The following POP1 variants were observed in gnomAD, a reference collection of about 807,000 sequenced individuals.
The protein encoded by POP1 is POP1 ribonuclease P/MRP subunit.
A neutral mutation model predicts 102.2 loss-of-function variants in POP1; 75 were observed. The ratio of observed to expected loss-of-function variants is 0.73; its 90% CI spans 0.61 to 0.89. The LOEUF is 0.89. Among genes scored for constraint, POP1 ranks in the 40% least tolerant of loss-of-function variants. The pLI, the probability that POP1 is intolerant of heterozygous loss-of-function variation, is 0.00. For missense variants in POP1, 1,116 were observed against 1,267.4 expected (o/e 0.88, Z 1.81); for synonymous variants, 436 against 464.1 (o/e 0.94, Z 0.78).
intron 12 of POP1, among the ~76,000 whole-genome samples, chr8:98,147,041 G>A (rs939841794): frequency 6.6e-6 from 1 of 152,196 alleles, no homozygotes. Flanking sequence ...ATGATCTCAT[G>A]GTTGAAATAT....
intron 11 of POP1, among the ~76,000 whole-genome samples, chr8:98,144,913 G>C (rs1164186040): frequency 6.6e-6 from 1 of 151,856 alleles, no homozygotes; most frequent in East Asian, 1.9e-4. Context: ...TTTGAGACAG[G>C]GTCTGGCTCT....
chr8:98,150,189 A>T (rs1199986265), intron 13 of POP1, among the ~76,000 whole-genome samples: 1 of 152,218 alleles, frequency 6.6e-6, no homozygotes, highest in Admixed American at 6.5e-5. Flanking sequence ...TTTGTATCCC[A>T]CAATAAAATA....
rs1337363897 is a variant in POP1 at position 98,140,062 on chromosome 8, A to T, written c.1363-16A>T. ...ATTCATTGTTCGTCCAGTGAATAGT[A>T]GTTGTTATTTTTCAGGTGGGAGAGG... On this transcript the variant is annotated splice_polypyrimidine_tract_variant and intron_variant, in intron 9 of 15. Transcript: ENST00000401707. The T allele has an allele frequency of 4.4e-6, 7 of 1,587,284 alleles. No homozygotes were observed. The highest frequency in any genetic ancestry group is 6.1e-6 in the Non-Finnish European group (7 of 1,155,918).
At chr8:98,127,945 C>T (rs1463803075) in intron 3 of POP1, among the ~76,000 whole-genome samples, 183 bp downstream of exon 3, 2 of 152,076 alleles carry the variant, frequency 1.3e-5, no homozygotes, top group Non-Finnish European at 2.9e-5. Context: ...CTTGATGGCT[C>T]TCCCTTCTTC....
At chr8:98,142,008 A>G (rs1442914930) in intron 11 of POP1, among the ~76,000 whole-genome samples, 4 of 152,070 alleles carry the variant, frequency 2.6e-5, no homozygotes, top group Non-Finnish European at 5.9e-5. Flanking sequence ...GAAGCCTAAG[A>G]CTTTACTCAA....
chr8:98,127,711 T>C lies in POP1; in HGVS notation c.259T>C (p.Trp87Arg). Residue 87 changes from tryptophan (W) to arginine (R), a missense_variant, in exon 3 of 16, where the codon TGG (tryptophan) becomes CGG (arginine). Physicochemically the swap from Trp to Arg is moderately radical, Grantham distance 101. Transcript: ENST00000401707. ...SKGMFRKKGG[W>R]KAGPEGTSQE... ...AGGGATGTTTAGAAAAAAGGGAGGA[T>C]GGAAAGCAGGTCCCGAGGGCACGTC... is the stretch of plus-strand genomic sequence containing the variant. 6.2e-7 allele frequency: 1 copy of C among 1,614,038 alleles called. No homozygotes were observed. Among genetic ancestry groups the C allele is most frequent in the Non-Finnish European group, 8.5e-7 (1 of 1,179,970 alleles).
In POP1 at chr8:98,123,320, A is replaced by G. The variant is rs745874993; in HGVS notation, c.-2-16A>G. 4 of 1,612,030 alleles carry G rather than the reference A, an allele frequency of 2.5e-6. No homozygotes were observed. Among genetic ancestry groups the G allele is most frequent in the African/African-American group, 2.7e-5 (2 of 74,886 alleles). Reference sequence around the variant, plus strand: ...AGTTTCCTTTCCCTGTATTAAATGTATTACTTCCTTTCCAGAAATGTCAAA... The same window carrying G: ...AGTTTCCTTTCCCTGTATTAAATGTGTTACTTCCTTTCCAGAAATGTCAAA... On this transcript the variant is annotated splice_polypyrimidine_tract_variant and intron_variant, in intron 1 of 15. Transcript: ENST00000401707.
Position 98,123,365 on chromosome 8 carries a change from G to T in POP1, c.28G>T (p.Ala10Ser). ...GTCAAATGCAAAAGAAAGAAAACAC[G>T]CCAAGAAAATGAGAAACCAGCCTAC... Reference protein sequence around the residue: MSNAKERKHAKKMRNQPTNV... With the variant: MSNAKERKHSKKMRNQPTNV... The change falls in exon 2 of 16, where the codon GCC (alanine) becomes TCC (serine). Residue 10 changes from alanine (A) to serine (S), a missense_variant. Physicochemically the swap from Ala to Ser is moderately conservative, Grantham distance 99. Transcript: ENST00000401707. The T allele has an allele frequency of 6.2e-7, 1 of 1,613,794 alleles. No individual in the cohort carries two copies. Among genetic ancestry groups the T allele is most frequent in the Non-Finnish European group, 8.5e-7 (1 of 1,179,866 alleles).
rs1809680771 is a variant in POP1, at chr8:98,157,508, TTATATAG to T, written c.2421-104_2421-98del. ...TTTTAAAAAATTGTAGTTTTGATTCTTATATAGTATAAAAGAATCAAATTAATTCTAG... is the reference window on the plus strand; with the variant it reads ...TTTTAAAAAATTGTAGTTTTGATTCTTATAAAAGAATCAAATTAATTCTAG... On this transcript the variant is annotated intron_variant, in intron 15 of 15. Transcript: ENST00000401707. 2.3e-6 allele frequency: 3 copies of T among 1,300,236 alleles called. No homozygotes were observed. In the South Asian group the frequency reaches 3.7e-5, roughly 16 times the overall value. The allele number at this position is 1,300,236 out of a possible 1,614,324, so 80.5% of individuals were successfully genotyped here. A position where few individuals can be genotyped will look rare whatever the true frequency, so the allele number is the denominator to read the frequency against.
chr8:98,152,801 G>A (rs1448220494), intron 14 of POP1, among the ~76,000 whole-genome samples: 2 of 152,164 alleles, frequency 1.3e-5, no homozygotes, highest in Non-Finnish European at 2.9e-5. Flanking sequence ...ACTTTTTGCT[G>A]TGTGTTTCTG....
At chr8:98,123,619 A>T in intron 2 of POP1, 140 bp downstream of exon 2, 1 of 702,678 alleles carries the variant, frequency 1.4e-6, no homozygotes, top group Non-Finnish European at 2.3e-6. Flanking sequence ...TCTACTAAAA[A>T]TACAAGAATT....
At chr8:98,135,744 A>C (rs2130601188) in intron 7 of POP1, among the ~76,000 whole-genome samples, 1 of 152,204 alleles carries the variant, frequency 6.6e-6, no homozygotes, top group East Asian at 1.9e-4. Context: ...TGTCATTGAG[A>C]CTTGAGTGCA....
At position 98,157,927 on chromosome 8, in the gene POP1, CAG is replaced by C. The variant is rs773640287; in HGVS notation, c.2733_2734del (p.Lys912ArgfsTer17). 12 of 1,613,988 alleles carry C rather than the reference CAG, an allele frequency of 7.4e-6. No individual in the cohort carries two copies. In the African/African-American group the frequency reaches 1.6e-4, roughly 22 times the overall value. On this transcript the variant is annotated frameshift_variant, in exon 16 of 16. Coordinates refer to ENST00000401707, the MANE Select transcript of POP1 (RefSeq NM_001145860.2). LOFTEE classifies it low-confidence loss of function (END_TRUNC). ...SDPFRSKILK[Q>X]KEKKKREKRQ... is the part of the protein sequence containing the mutation. ...CCCATTCAGGAGCAAGATCCTGAAA[CAG>C]AAAGAGAAGAAGAAAAGGGAGAAGA...
At position 98,157,562 on chromosome 8, in the gene POP1, C is replaced by A. The variant is rs970810301; in HGVS notation, c.2421-55C>A. On this transcript the variant is annotated intron_variant, in intron 15 of 15. Transcript: ENST00000401707. ...CTAGCAGTGTCTAATCTTCTGATTG[C>A]ATATTTTTTTCTGGAACAAAATATC... The A allele has an allele frequency of 6.4e-6, 10 of 1,574,802 alleles. No homozygotes were observed. In the African/African-American group the frequency reaches 9.5e-5, roughly 15 times the overall value.
intron 11 of POP1, among the ~76,000 whole-genome samples, chr8:98,143,805 A>G (rs1006527981): frequency 6.6e-6 from 1 of 152,176 alleles, no homozygotes; most frequent in Non-Finnish European, 1.5e-5. Context: ...TTGGAATCAT[A>G]CAATACATAG....
chr8:98,157,644 A>G lies in POP1; in HGVS notation c.2448A>G (p.Ser816=), dbSNP rs1809685727. The G allele has an allele frequency of 1.9e-6, 3 of 1,614,106 alleles. No homozygotes were observed. The highest frequency in any genetic ancestry group is 2.5e-6 in the Non-Finnish European group (3 of 1,180,042). The change falls in exon 16 of 16, where the codon TCA becomes TCG. Residue 816 remains serine, a synonymous_variant. Transcript: ENST00000401707. ...GTAGAAAATTACTGAAGCAACTGTC[A>G]GCCTGGTGTGGGCCCAGTTCTGAGG... The part of the protein sequence containing the change: ...LRSRKLLKQL[S]AWCGPSSEDS...
chr8:98,139,448 G>C (rs754892750), intron 9 of POP1, among the ~76,000 whole-genome samples: 1 of 152,164 alleles, frequency 6.6e-6, no homozygotes, highest in African/African-American at 2.4e-5. Context: ...AGGACCAGGC[G>C]TGTGGCTCAC....
chr8:98,153,533 C>CTTTT (rs747984872), intron 14 of POP1, among the ~76,000 whole-genome samples: 1,616 of 85,240 alleles, frequency 0.019, 245 homozygotes, highest in African/African-American at 0.068. Context: ...AGTTCTGACT[C>CTTTT]TTTTTTTTTT....
At chr8:98,131,061 G>A (rs1038566984) in intron 5 of POP1, among the ~76,000 whole-genome samples, 5 of 152,238 alleles carry the variant, frequency 3.3e-5, no homozygotes, top group African/African-American at 1.2e-4. Context: ...GATACCCCTT[G>A]AGAGTAATGT....
Sources: allele counts gnomAD v4.1 joint callset (sites outside exome capture counted in the v4.1 genomes callset), GRCh38; gene constraint gnomAD v4.1.1; transcripts MANE v1.5; gene names NCBI Gene and HGNC (gene_info 2026-07-23, HGNC 2026-07-21).